GRB2: variants seen among roughly 807,000 people sequenced by gnomAD.
GRB2 encodes growth factor receptor bound protein 2.
In GRB2, 2 loss-of-function variants were observed where a neutral mutation model predicts 27.4. The observed-to-expected ratio is 0.07, with a 90% CI of 0.03 to 0.23. The LOEUF is 0.23. Ranked by LOEUF, GRB2 falls within the 10% of genes least tolerant of loss-of-function variation. The pLI is 1.00. For missense variants in GRB2, 102 were observed against 282.4 expected (o/e 0.36, Z 4.58); for synonymous variants, 94 against 99.6 (o/e 0.94, Z 0.33).
chr17:75,378,641 T>C, intron 2 of GRB2, among the ~76,000 whole-genome samples: 1 of 152,174 alleles, frequency 6.6e-6, no homozygotes, highest in East Asian at 1.9e-4. Context: ...TGGGTGTAGT[T>C]CTAGTACAAG....
At chr17:75,348,355 T>A (rs2078667595) in intron 2 of GRB2, among the ~76,000 whole-genome samples, 1 of 152,170 alleles carries the variant, frequency 6.6e-6, no homozygotes, top group Admixed American at 6.5e-5. Flanking sequence ...CTATTCTGTT[T>A]ACTATTAAAA....
At chr17:75,371,633 C>T (rs1206987465) in intron 2 of GRB2, 1 of 151,950 alleles carries the variant, frequency 6.6e-6, no homozygotes, top group African/African-American at 2.4e-5. Context: ...AAGAAGAACA[C>T]CCAGAAAACC....
chr17:75,349,508 CTTTT>C (rs36010389), intron 2 of GRB2, among the ~76,000 whole-genome samples: 2 of 115,910 alleles, frequency 1.7e-5, no homozygotes, highest in Non-Finnish European at 1.7e-5. Flanking sequence ...ATAACTCAGA[CTTTT>C]TTTTTTTTTT....
In GRB2 at chr17:75,380,210, A is replaced by G. The variant is rs139907134; in HGVS notation, c.78+13341T>C. Among the ~76,000 whole-genome samples the G allele has an allele frequency of 7.6e-3, 1,157 of 152,278 alleles. 8 individuals are homozygous for G. The highest frequency in any genetic ancestry group is 0.026 in the African/African-American group (1,075 of 41,568). On this transcript the variant is annotated intron_variant, in intron 2 of 5. Coordinates refer to ENST00000316804, the MANE Select transcript of GRB2 (RefSeq NM_002086.5). The stretch of plus-strand genomic sequence containing the variant: ...AAATTTGCTCCATGAAGCTGTGCAC[A>G]GTGATTTTTTCTTTCCTTATTAGAC...
intron 2 of GRB2, among the ~76,000 whole-genome samples, chr17:75,377,655 C>T (rs1219940044): frequency 2.0e-5 from 3 of 149,386 alleles, no homozygotes; most frequent in Non-Finnish European, 4.4e-5. Flanking sequence ...GCCTGTAATC[C>T]CAGTACTTTG....
chr17:75,350,579 C>T (rs989426007), intron 2 of GRB2, among the ~76,000 whole-genome samples: 9 of 152,186 alleles, frequency 5.9e-5, no homozygotes, highest in African/African-American at 2.2e-4. Context: ...GCAAGCTCCG[C>T]CTCCTGGGTT....
At chr17:75,374,413 A>AG (rs1417427528) in intron 2 of GRB2, among the ~76,000 whole-genome samples, 6 of 151,260 alleles carry the variant, frequency 4.0e-5, no homozygotes, top group African/African-American at 1.5e-4. Context: ...CAAAAAAAAA[A>AG]AAAAAAAAAA....
At chr17:75,350,705 G>A (rs1468620674) in intron 2 of GRB2, among the ~76,000 whole-genome samples, 1 of 152,160 alleles carries the variant, frequency 6.6e-6, no homozygotes, top group Non-Finnish European at 1.5e-5. Flanking sequence ...TGTTAGCCAG[G>A]ATGGTCTCGA....
At chr17:75,380,584 G>A (rs566044108) in intron 2 of GRB2, among the ~76,000 whole-genome samples, 73 of 152,280 alleles carry the variant, frequency 4.8e-4, no homozygotes, top group African/African-American at 1.6e-3. Context: ...ACAAAGACTG[G>A]TTTGTCTGTC....
chr17:75,393,835 TG>T, intron 1 of GRB2, 70 bp from the exon 2 acceptor site: 1 of 553,242 alleles, frequency 1.8e-6, no homozygotes, highest in South Asian at 2.3e-5. Context: ...CCAATCGGCC[TG>T]CTGTCCCAGC....
At chr17:75,368,541 G>GT (rs1246663313) in intron 2 of GRB2, among the ~76,000 whole-genome samples, 44 of 142,838 alleles carry the variant, frequency 3.1e-4, no homozygotes, top group African/African-American at 8.7e-4. Flanking sequence ...TTTTTTTGTT[G>GT]TTTTTTTTTT....
At chr17:75,322,364 C>A in intron 4 of GRB2, among the ~76,000 whole-genome samples, 2 of 141,418 alleles carry the variant, frequency 1.4e-5, no homozygotes, top group African/African-American at 5.2e-5. Context: ...AAGAGTGAAA[C>A]TCTGTCTCAA....
chr17:75,325,458 G>A (rs578087457), intron 4 of GRB2, among the ~76,000 whole-genome samples: 1 of 152,314 alleles, frequency 6.6e-6, no homozygotes, highest in South Asian at 2.1e-4. Context: ...GGAAATGCAA[G>A]CCCCACATCC....
chr17:75,385,054 A>AGGC (rs1567874287), intron 2 of GRB2, among the ~76,000 whole-genome samples: 1 of 79,394 alleles, frequency 1.3e-5, no homozygotes, highest in Non-Finnish European at 3.5e-5. Flanking sequence ...AAAAAAAAAA[A>AGGC]AAAAGCAAAC....
intron 2 of GRB2, among the ~76,000 whole-genome samples, chr17:75,366,179 C>G (rs985835135): frequency 1.3e-5 from 2 of 151,750 alleles, no homozygotes; most frequent in Non-Finnish European, 2.9e-5. Flanking sequence ...AAAAAAAAAT[C>G]ATGGAGATGC....
At chr17:75,345,037 A>C (rs564057490) in intron 2 of GRB2, among the ~76,000 whole-genome samples, 126 of 151,476 alleles carry the variant, frequency 8.3e-4, no homozygotes, top group African/African-American at 2.8e-3. Flanking sequence ...TTTTTTTTTA[A>C]ATTTTATTTA....
chr17:75,378,201 C>A (rs780118585), intron 2 of GRB2, among the ~76,000 whole-genome samples: 2 of 152,084 alleles, frequency 1.3e-5, no homozygotes, highest in Non-Finnish European at 2.9e-5. Context: ...ACCAGCCTGA[C>A]CAACATGGTG....
intron 2 of GRB2, 101 bp from the exon 3 acceptor site, chr17:75,332,898 TTCACTCGAAGTA>T (rs1245498072): frequency 1.4e-6 from 1 of 714,620 alleles, no homozygotes. Context: ...TGTGAACGGT[TTCACTCGAAGTA>T]TTATCAGTTA....
At chr17:75,340,987 G>T (rs1479946563) in intron 2 of GRB2, among the ~76,000 whole-genome samples, 7 of 152,142 alleles carry the variant, frequency 4.6e-5, no homozygotes, top group African/African-American at 1.7e-4. Context: ...ATGCCGAGCA[G>T]ATCAGTCTCC....
Sources: allele counts gnomAD v4.1 joint callset (sites outside exome capture counted in the v4.1 genomes callset), GRCh38; gene constraint gnomAD v4.1.1; transcripts MANE v1.5; gene names NCBI Gene and HGNC (gene_info 2026-07-23, HGNC 2026-07-21).